The following HOOK3 variants were observed in gnomAD, a reference collection of about 807,000 sequenced individuals.
The protein encoded by HOOK3 is protein Hook homolog 3.
Under a neutral mutation model 116.3 loss-of-function variants are expected in HOOK3, and 24 were observed. That is an observed-to-expected ratio of 0.21 (90% confidence interval 0.15 to 0.29). The LOEUF (loss-of-function observed/expected upper bound fraction) is 0.29, where lower values mean the gene tolerates loss of function less well. Among genes scored for constraint, HOOK3 ranks in the 10% least tolerant of loss-of-function variants. HOOK3 has a pLI of 1.00. For synonymous variants in HOOK3, 275 were observed against 283.0 expected, an observed-to-expected ratio of 0.97 and a Z score of 0.28; for missense variants, 632 against 830.2, an observed-to-expected ratio of 0.76 and a Z score of 2.93.
At chr8:42,916,931 T>C (rs1807544758) in intron 2 of HOOK3, among the ~76,000 whole-genome samples, 1 of 152,170 alleles carries the variant, frequency 6.6e-6, no homozygotes, top group Non-Finnish European at 1.5e-5. Flanking sequence ...CTTCATCCTC[T>C]TCCTTTTGGG....
At chr8:42,994,310 C>G (rs919912116) in intron 15 of HOOK3, 1 of 243,022 alleles carries the variant, frequency 4.1e-6, no homozygotes, top group Non-Finnish European at 8.3e-6. Context: ...GCCACCACAC[C>G]CAGCCTGCTC....
chr8:42,965,833 C>T (rs1489045342), intron 9 of HOOK3, among the ~76,000 whole-genome samples: 1 of 152,070 alleles, frequency 6.6e-6, no homozygotes, highest in Non-Finnish European at 1.5e-5. Context: ...CTTTGGTCCA[C>T]GTCAGCAGTT....
At chr8:42,925,492 C>A in intron 2 of HOOK3, 65 bp from the exon 3 acceptor site, 1 of 1,061,548 alleles carries the variant, frequency 9.4e-7, no homozygotes, top group Non-Finnish European at 1.4e-6. Context: ...GGATGAGATT[C>A]AATTTTCTTT....
Position 42,934,079 on chromosome 8 carries a change from AT to A in HOOK3, c.267+3911del, listed in dbSNP as rs953688302. On this transcript the variant is annotated intron_variant, in intron 4 of 21. Coordinates refer to ENST00000307602, the MANE Select transcript of HOOK3 (RefSeq NM_032410.4). The stretch of plus-strand genomic sequence containing the variant: ...TTTTATCTCATTTATTTATTTATTT[AT>A]TTTATTACTTTACTTTTCTTTACTT... 4.9e-3 allele frequency among the ~76,000 whole-genome samples: 742 copies of A among 151,646 alleles called. 4 individuals are homozygous for A. Among genetic ancestry groups the A allele is most frequent in the African/African-American group, 0.017 (711 of 41,418 alleles).
At chr8:42,897,533 C>T (rs557914624) in intron 1 of HOOK3, among the ~76,000 whole-genome samples, 2 of 152,356 alleles carry the variant, frequency 1.3e-5, no homozygotes, top group East Asian at 3.9e-4. Flanking sequence ...TTTGTTGCCG[C>T]GTTCGCGGAG....
Position 43,010,378 on chromosome 8 carries a change from C to T in HOOK3, c.1812C>T (p.Tyr604=), listed in dbSNP as rs1194505074. 2.7e-6 allele frequency: 4 copies of T among 1,469,566 alleles called. No homozygotes were observed. The highest frequency in any genetic ancestry group is 3.6e-6 in the Non-Finnish European group (4 of 1,102,484). The allele number at this position is 1,469,566 out of a possible 1,614,324, so 91.0% of individuals were successfully genotyped here. The change falls in exon 19 of 22, where the codon TAC becomes TAT. Residue 604 remains tyrosine, a synonymous_variant. Coordinates refer to ENST00000307602, the MANE Select transcript of HOOK3 (RefSeq NM_032410.4). ...EEEMKQMEER[Y]KKYLEKAKSV... ...AAATGAAGCAAATGGAAGAACGATA[C>T]AAAAAATACTTAGAGAAAGCCAAAA...
intron 1 of HOOK3, among the ~76,000 whole-genome samples, chr8:42,898,612 G>C (rs1303797755): frequency 6.6e-6 from 1 of 152,206 alleles, no homozygotes; most frequent in Non-Finnish European, 1.5e-5. Flanking sequence ...TTGAGACTGT[G>C]CAAGTAGTGC....
chr8:42,941,524 A>C (rs1808125489), intron 4 of HOOK3, among the ~76,000 whole-genome samples: 1 of 149,882 alleles, frequency 6.7e-6, no homozygotes, highest in African/African-American at 2.4e-5. Context: ...TCTCAAAAAA[A>C]AAAAAAAAAA....
chr8:42,985,881 G>A (rs1203964623), intron 14 of HOOK3, among the ~76,000 whole-genome samples: 1 of 152,150 alleles, frequency 6.6e-6, no homozygotes, highest in African/African-American at 2.4e-5. Context: ...AGAGCAATGC[G>A]TGTGTGTCTA....
chr8:43,003,179 A>G (rs1276367145), intron 17 of HOOK3, among the ~76,000 whole-genome samples: 1 of 152,198 alleles, frequency 6.6e-6, no homozygotes, highest in Non-Finnish European at 1.5e-5. Context: ...TAAACCAGAC[A>G]TCCTCAGTAC....
Position 43,028,950 on chromosome 8 carries a change from G to C in HOOK3, c.*10452G>C. The C allele has an allele frequency of 5.0e-6, 1 of 201,506 alleles. No homozygotes were observed. The highest frequency in any genetic ancestry group is 1.0e-5 in the Non-Finnish European group (1 of 97,768). 12.5% of individuals were successfully genotyped at this position (201,506 alleles called of 1,614,324 possible). A position where few individuals can be genotyped will look rare whatever the true frequency, so the allele number is the denominator to read the frequency against. On this transcript the variant is annotated 3_prime_UTR_variant, in exon 22 of 22. Transcript: ENST00000307602. ...CTTATTGTAGTTCAAGTACAGATGA[G>C]TAAGTGGTGTGACTTCAGTTTATTA...
At chr8:42,909,109 T>C (rs1272320060) in intron 2 of HOOK3, among the ~76,000 whole-genome samples, 1 of 152,214 alleles carries the variant, frequency 6.6e-6, no homozygotes, top group Non-Finnish European at 1.5e-5. Flanking sequence ...CAATGAGGTG[T>C]CACCTCACAC....
At chr8:43,010,863 T>C (rs1276248782) in intron 19 of HOOK3, among the ~76,000 whole-genome samples, 2 of 152,152 alleles carry the variant, frequency 1.3e-5, no homozygotes, top group Non-Finnish European at 1.5e-5. Flanking sequence ...TAGAAGTCAC[T>C]GTCATGAAAA....
intron 14 of HOOK3, among the ~76,000 whole-genome samples, chr8:42,983,931 G>C (rs904917857): frequency 6.6e-6 from 1 of 152,092 alleles, no homozygotes; most frequent in African/African-American, 2.4e-5. Context: ...ATGGACACTG[G>C]CCTTGCTTCT....
At chr8:42,944,137 G>C (rs1271059501) in intron 5 of HOOK3, among the ~76,000 whole-genome samples, 1 of 152,228 alleles carries the variant, frequency 6.6e-6, no homozygotes, top group East Asian at 1.9e-4. Flanking sequence ...ACAGGAGGCT[G>C]GGTACGGTGG....
intron 15 of HOOK3, among the ~76,000 whole-genome samples, chr8:42,992,681 C>T (rs1809188480): frequency 6.8e-6 from 1 of 146,164 alleles, no homozygotes; most frequent in Admixed American, 6.9e-5. Flanking sequence ...ACGCCACTGC[C>T]CTGCAGCCTG....
At chr8:42,975,552 C>T (rs1017138891) in intron 13 of HOOK3, among the ~76,000 whole-genome samples, 5 of 152,204 alleles carry the variant, frequency 3.3e-5, no homozygotes, top group East Asian at 1.9e-4. Flanking sequence ...CCCAAAGACA[C>T]GGGATGAGTC....
chr8:42,950,691 T>A (rs1333100897), intron 6 of HOOK3, among the ~76,000 whole-genome samples: 1 of 129,814 alleles, frequency 7.7e-6, no homozygotes, highest in African/African-American at 2.8e-5. Flanking sequence ...TATTCCTAAA[T>A]TTTTTTTTTT....
chr8:42,898,521 C>A (rs75536083), intron 1 of HOOK3, among the ~76,000 whole-genome samples: 3,100 of 152,148 alleles, frequency 0.02, 43 homozygotes, highest in Middle Eastern at 0.037. Context: ...TTACTAAATT[C>A]TTTGATGTTG....
Sources: gnomAD v4.1 joint callset for allele counts (sites outside exome capture counted in the v4.1 genomes callset) on GRCh38, gnomAD v4.1.1 for gene constraint, MANE v1.5 for transcripts, NCBI Gene and HGNC (gene_info 2026-07-23, HGNC 2026-07-21) for gene names.